Variants in RASGRP3 observed in about 807,000 individuals in gnomAD.
RASGRP3 encodes RAS guanyl releasing protein 3, also known as ras guanyl-releasing protein 3.
RASGRP3 carries 54 observed loss-of-function variants against 82.7 expected under a neutral mutation model. The ratio of observed to expected loss-of-function variants is 0.65; its 90% confidence interval spans 0.52 to 0.82. The LOEUF (loss-of-function observed/expected upper bound fraction) is 0.82. Ranked by LOEUF, RASGRP3 falls within the 40% of genes least tolerant of loss-of-function variation. The pLI, the probability that RASGRP3 is intolerant of heterozygous loss-of-function variation, is 0.00. For synonymous variants in RASGRP3, 309 were observed against 300.5 expected (o/e 1.03, Z -0.29); for missense variants, 861 against 828.9 (o/e 1.04, Z -0.48).
In RASGRP3 at chr2:33,563,797, TTTGA is replaced by T. The variant is rs1259383212; in HGVS notation, c.*1063_*1066del. The T allele has an allele frequency of 1.3e-5, 2 of 152,176 alleles. No homozygotes were observed. Among genetic ancestry groups the T allele is most frequent in the African/African-American group, 2.4e-5 (1 of 41,442 alleles). 9.4% of individuals were successfully genotyped at this position (152,176 alleles called of 1,614,324 possible). A position where few individuals can be genotyped will look rare whatever the true frequency, so the allele number is the denominator to read the frequency against. On this transcript the variant is annotated 3_prime_UTR_variant, in exon 18 of 18. Transcript: ENST00000403687. The stretch of plus-strand genomic sequence containing the variant: ...AGAAAGAAAATAATCATAAATCATA[TTTGA>T]TTAACATTTCATTTAAGCTTTTAAA...
chr2:33,457,315 CT>C (rs1042293069), intron 2 of RASGRP3, among the ~76,000 whole-genome samples: 9 of 152,106 alleles, frequency 5.9e-5, no homozygotes, highest in Non-Finnish European at 1.0e-4. Context: ...CTGGAACCCT[CT>C]TTTTTTCTTC....
chr2:33,486,492 C>CT (rs11451522), intron 1 of RASGRP3, among the ~76,000 whole-genome samples: 30,379 of 152,070 alleles, frequency 0.2, 4,372 homozygotes, highest in African/African-American at 0.41. Context: ...TAAACATATG[C>CT]TTTGTGCTGC....
At chr2:33,512,372 T>C (rs1427513716) in intron 2 of RASGRP3, among the ~76,000 whole-genome samples, 1 of 152,192 alleles carries the variant, frequency 6.6e-6, no homozygotes, top group East Asian at 1.9e-4. Context: ...TTCTAAGTAA[T>C]ATGTCTACTC....
intron 1 of RASGRP3, among the ~76,000 whole-genome samples, chr2:33,444,018 A>G (rs1252885344): frequency 1.3e-5 from 2 of 152,226 alleles, no homozygotes; most frequent in African/African-American, 4.8e-5. Flanking sequence ...TCATAGTTTA[A>G]GGAGTGGGGG....
At chr2:33,480,295 G>T (rs1017042835) in intron 1 of RASGRP3, among the ~76,000 whole-genome samples, 1 of 152,194 alleles carries the variant, frequency 6.6e-6, no homozygotes, top group Non-Finnish European at 1.5e-5. Context: ...CACCCGCCTC[G>T]GCCTCCCAAA....
At chr2:33,530,497 CTTTTTTTTTTTTT>C (rs746592952) in intron 10 of RASGRP3, among the ~76,000 whole-genome samples, 19 of 117,080 alleles carry the variant, frequency 1.6e-4, no homozygotes, top group Non-Finnish European at 2.2e-4. Context: ...CTGCCCCTTC[CTTTTTTTTTTTTT>C]TTTTTTTTTT....
Position 33,539,215 on chromosome 2 carries a change from G to A in RASGRP3, c.1278+5G>A. 6.3e-7 allele frequency: 1 copy of A among 1,583,528 alleles called. No homozygotes were observed. Among genetic ancestry groups the A allele is most frequent in the Non-Finnish European group, 8.6e-7 (1 of 1,158,998 alleles). ...CACATAAGGAAATTAGTGGAGGTAA[G>A]TGGTTGAGGGAGAATAAAGAGAGGG... is the stretch of plus-strand genomic sequence containing the variant. On this transcript the variant is annotated splice_donor_5th_base_variant and intron_variant, in intron 12 of 17. Coordinates refer to ENST00000403687, the MANE Select transcript of RASGRP3 (RefSeq NM_001139488.2).
At chr2:33,543,310 C>A (rs928621523) in intron 12 of RASGRP3, among the ~76,000 whole-genome samples, 2 of 152,314 alleles carry the variant, frequency 1.3e-5, no homozygotes, top group African/African-American at 4.8e-5. Context: ...TGTGAGCCAC[C>A]ACATCCAACC....
rs1451186183 is a variant in RASGRP3 at position 33,539,196 on chromosome 2, A to G, written c.1264A>G (p.Arg422Gly). The part of the protein sequence containing the change: ...PDPTVINKHI[R>G]KLVESVFRNY... ...CCCCACGGTCATCAACAAGCACATA[A>G]GGAAATTAGTGGAGGTAAGTGGTTG... is the stretch of plus-strand genomic sequence containing the variant. The change falls in exon 12 of 18, where the codon AGG becomes GGG. Residue 422 changes from arginine (R) to glycine (G), a missense_variant. Physicochemically the swap from Arg to Gly is moderately radical, Grantham distance 125. Coordinates refer to ENST00000403687, the MANE Select transcript of RASGRP3 (RefSeq NM_001139488.2). The G allele has an allele frequency of 6.2e-7, 1 of 1,606,668 alleles. No individual in the cohort carries two copies.
At chr2:33,521,929 T>C in intron 6 of RASGRP3, 26 bp from the exon 7 acceptor site, 2 of 1,591,638 alleles carry the variant, frequency 1.3e-6, no homozygotes, top group South Asian at 2.3e-5. Flanking sequence ...TTCAACACAT[T>C]GACCGGACTC....
chr2:33,442,189 C>A (rs981164191), intron 1 of RASGRP3, among the ~76,000 whole-genome samples: 2 of 152,204 alleles, frequency 1.3e-5, no homozygotes, highest in African/African-American at 4.8e-5. Context: ...TATGGTGAAA[C>A]TCCATCTCTA....
rs1170217165 is a variant in RASGRP3, at chr2:33,450,822, C to CTTTT, written c.-261+2909_-261+2912dup. ...TCTTTCTTTTTCTCTTTCTTTCTTTCTTTTTTTTTTTTTTTTTTTTTTTTT... is the reference window on the plus strand; with the variant it reads ...TCTTTCTTTTTCTCTTTCTTTCTTTCTTTTTTTTTTTTTTTTTTTTTTTTTTTTT... On this transcript the variant is annotated intron_variant, in intron 2 of 18. Transcript: ENST00000402538. Among the ~76,000 whole-genome samples, 121 of 18,986 alleles carry CTTTT rather than the reference C, an allele frequency of 6.4e-3. 11 individuals carry two copies. The highest frequency in any genetic ancestry group is 0.027 in the East Asian group (17 of 634). 12.5% of individuals were successfully genotyped at this position (18,986 alleles called of 152,430 possible).
At chr2:33,456,868 G>A (rs544383905) in intron 2 of RASGRP3, among the ~76,000 whole-genome samples, 2 of 150,752 alleles carry the variant, frequency 1.3e-5, no homozygotes, top group African/African-American at 2.4e-5. Context: ...ATCACCATTC[G>A]TCAAAGTCTA....
At chr2:33,437,827 TA>T (rs371168349) in intron 1 of RASGRP3, among the ~76,000 whole-genome samples, 114 of 145,724 alleles carry the variant, frequency 7.8e-4, no homozygotes, top group African/African-American at 1.0e-3. Flanking sequence ...CTTAAGTGGT[TA>T]AAAAAAAAAA....
chr2:33,535,379 A>G (rs955491312), intron 11 of RASGRP3, among the ~76,000 whole-genome samples: 7 of 152,248 alleles, frequency 4.6e-5, no homozygotes, highest in Admixed American at 4.6e-4. Flanking sequence ...CATGTTGAAG[A>G]TAAAATGCCT....
intron 2 of RASGRP3, among the ~76,000 whole-genome samples, chr2:33,466,237 A>C (rs1436800993): frequency 6.6e-6 from 1 of 152,232 alleles, no homozygotes; most frequent in Non-Finnish European, 1.5e-5. Flanking sequence ...GAGCAGAATA[A>C]ATTGAAATCC....
At position 33,550,027 on chromosome 2, in the gene RASGRP3, A is replaced by G. The variant is rs1558518326; in HGVS notation, c.1542+276A>G. Among the ~76,000 whole-genome samples, 3 of 152,204 alleles carry G rather than the reference A, an allele frequency of 2.0e-5. No individual in the cohort carries two copies. The highest frequency in any genetic ancestry group is 1.9e-4 in the East Asian group (1 of 5,196). On this transcript the variant is annotated intron_variant, in intron 14 of 17. Coordinates refer to ENST00000403687, the MANE Select transcript of RASGRP3 (RefSeq NM_001139488.2). ...CCTGCCAGGGAAAAGTGTCAGCCCA[A>G]TGAGCCCTGGCATTCATCACTAATA... is the stretch of plus-strand genomic sequence containing the variant.
At chr2:33,471,477 C>A (rs1667059068) in intron 2 of RASGRP3, among the ~76,000 whole-genome samples, 1 of 151,916 alleles carries the variant, frequency 6.6e-6, no homozygotes, top group South Asian at 2.1e-4. Flanking sequence ...CCACTATTCC[C>A]AGCCTTATTT....
chr2:33,437,899 C>T (rs1289088898), intron 1 of RASGRP3, among the ~76,000 whole-genome samples: 2 of 152,094 alleles, frequency 1.3e-5, no homozygotes, highest in African/African-American at 4.8e-5. Context: ...AACAAACAAA[C>T]CCTCAGCATT....
Sources: allele counts gnomAD v4.1 joint callset (sites outside exome capture counted in the v4.1 genomes callset), GRCh38; gene constraint gnomAD v4.1.1; transcripts MANE v1.5; gene names NCBI Gene and HGNC (gene_info 2026-07-23, HGNC 2026-07-21).